Variants in VIPAS39 observed in about 807,000 individuals in gnomAD.
VIPAS39 encodes spermatogenesis-defective protein 39 homolog.
A neutral mutation model predicts 84.7 loss-of-function variants in VIPAS39; 63 were observed. That is an observed-to-expected ratio of 0.74 (90% CI 0.61 to 0.92). VIPAS39 has a LOEUF of 0.92. VIPAS39 is among the 40% of genes least tolerant of loss of function. The pLI is 0.00. For synonymous variants in VIPAS39, 192 were observed against 216.5 expected, an observed-to-expected ratio of 0.89 and a Z score of 0.99; for missense variants, 499 against 604.5, an observed-to-expected ratio of 0.83 and a Z score of 1.83.
At chr14:77,441,116 A>C in intron 10 of VIPAS39, 23 bp from the exon 11 acceptor site, 1 of 1,612,478 alleles carries the variant, frequency 6.2e-7, no homozygotes, top group Non-Finnish European at 8.5e-7. Flanking sequence ...AGAAGGGAGC[A>C]GGGCATTTGT....
rs1199046563 is a variant in VIPAS39, at chr14:77,451,186, C to T, written c.343+1G>A. The T allele has an allele frequency of 3.7e-6, 6 of 1,614,194 alleles. No individual in the cohort carries two copies. Among genetic ancestry groups the T allele is most frequent in the Non-Finnish European group, 5.1e-6 (6 of 1,180,034 alleles). On this transcript the variant is annotated splice_donor_variant, in intron 4 of 19. Transcript: ENST00000557658. LOFTEE classifies it high-confidence loss of function. Reference sequence around the variant, plus strand: ...CTATCCATTTAAGCATCTCTCTTTACCTCTAAAAAAGCTGCTCAGGGAGTA... The same window carrying T: ...CTATCCATTTAAGCATCTCTCTTTATCTCTAAAAAAGCTGCTCAGGGAGTA...
chr14:77,443,430 C>T lies in VIPAS39; in HGVS notation c.598-278G>A, dbSNP rs12885247. Among the ~76,000 whole-genome samples the T allele has an allele frequency of 0.15, 22,646 of 152,076 alleles. 2,127 individuals are homozygous for T. Among genetic ancestry groups the T allele is most frequent in the Middle Eastern group, 0.27 (79 of 294 alleles). On this transcript the variant is annotated intron_variant, in intron 8 of 19. Transcript: ENST00000557658. ...GTTTTATATAACACATAGTAGCCAA[C>T]CTTGTGTGTCTTGGTTACAATCAAC...
intron 3 of VIPAS39, among the ~76,000 whole-genome samples, chr14:77,451,646 C>T (rs916565416): frequency 6.6e-6 from 1 of 151,966 alleles, no homozygotes; most frequent in Admixed American, 6.6e-5. Flanking sequence ...AGTACAGTGG[C>T]TATTCACAAT....
chr14:77,436,303 AG>A (rs2078610117), intron 12 of VIPAS39, among the ~76,000 whole-genome samples: 1 of 152,196 alleles, frequency 6.6e-6, no homozygotes, highest in African/African-American at 2.4e-5. Flanking sequence ...TAACTTACTG[AG>A]GGGACACCTA....
At chr14:77,433,225 G>C (rs998533103) in intron 16 of VIPAS39, among the ~76,000 whole-genome samples, 2 of 151,510 alleles carry the variant, frequency 1.3e-5, no homozygotes, top group African/African-American at 4.8e-5. Context: ...TTTGAGACAG[G>C]GTTTTGCTCT....
At chr14:77,431,880 C>T (rs1421358115) in intron 16 of VIPAS39, among the ~76,000 whole-genome samples, 3 of 151,956 alleles carry the variant, frequency 2.0e-5, no homozygotes, top group African/African-American at 7.3e-5. Flanking sequence ...CTGTAACTTA[C>T]AAAAATAATA....
At chr14:77,433,499 C>G (rs1258006800) in intron 16 of VIPAS39, among the ~76,000 whole-genome samples, 1 of 152,136 alleles carries the variant, frequency 6.6e-6, no homozygotes, top group East Asian at 1.9e-4. Flanking sequence ...CCGCGCCCAG[C>G]CCAATATTGT....
intron 16 of VIPAS39, among the ~76,000 whole-genome samples, chr14:77,432,948 A>T (rs562853737): frequency 2.6e-5 from 4 of 152,178 alleles, no homozygotes; most frequent in Non-Finnish European, 5.9e-5. Flanking sequence ...ATGACTGTAT[A>T]ATCATTTCAC....
intron 4 of VIPAS39, among the ~76,000 whole-genome samples, chr14:77,450,171 C>G (rs79100753): frequency 6.6e-6 from 1 of 152,172 alleles, no homozygotes; most frequent in Non-Finnish European, 1.5e-5. Context: ...CATTCTACTT[C>G]CTGTCTCTAT....
chr14:77,435,942 G>A (rs756829967), intron 12 of VIPAS39, 23 bp from the exon 13 acceptor site: 15 of 1,613,272 alleles, frequency 9.3e-6, no homozygotes, highest in Non-Finnish European at 7.6e-6. Context: ...CAGAAGGTTA[G>A]TACCTTTCTC....
intron 9 of VIPAS39, 27 bp from the exon 10 acceptor site, chr14:77,442,689 A>C (rs751402602): frequency 6.2e-7 from 1 of 1,606,936 alleles, no homozygotes; most frequent in Non-Finnish European, 8.5e-7. Flanking sequence ...AGTTAAGTTG[A>C]GAAAGATTAA....
intron 12 of VIPAS39, 96 bp from the exon 13 acceptor site, chr14:77,436,015 G>A (rs554523493): frequency 4.3e-5 from 52 of 1,202,178 alleles, no homozygotes; most frequent in South Asian, 1.2e-4. Context: ...AGAGGCTCAC[G>A]GTGCCTCACA....
chr14:77,454,668 C>A (rs1234180250), intron 1 of VIPAS39, among the ~76,000 whole-genome samples: 1 of 95,726 alleles, frequency 1.0e-5, no homozygotes, highest in African/African-American at 3.7e-5. Context: ...GAGCGAAACT[C>A]CGTCTCCAAA....
At position 77,453,365 on chromosome 14, in the gene VIPAS39, C is replaced by A. The variant is rs1023104472; in HGVS notation, c.130G>T (p.Asp44Tyr). 6.2e-7 allele frequency: 1 copy of A among 1,614,148 alleles called. No homozygotes were observed. The highest frequency in any genetic ancestry group is 1.1e-5 in the South Asian group (1 of 91,082). The change falls in exon 3 of 20, where the codon GAC becomes TAC. Residue 44 changes from aspartate (D) to tyrosine (Y), a missense_variant. Asp to Tyr is a radical substitution (Grantham distance 160). Coordinates refer to ENST00000557658, the MANE Select transcript of VIPAS39 (RefSeq NM_001193315.2). ...ESKRAVNSLR[D>Y]FVDDDDDDDL... ...TCATCGTCATCATCATCCACGAAGT[C>A]TCGGAGGCTGTTCACCGCCCGCTTG...
At chr14:77,454,148 C>A in intron 1 of VIPAS39, 46 bp from the exon 2 acceptor site, 1 of 1,570,996 alleles carries the variant, frequency 6.4e-7, no homozygotes, top group South Asian at 1.1e-5. Flanking sequence ...GGGTCTCTCC[C>A]TAAAGAGTTC....
intron 4 of VIPAS39, among the ~76,000 whole-genome samples, 180 bp from the exon 5 acceptor site, chr14:77,449,932 AT>A (rs1367491105): frequency 1.3e-5 from 2 of 152,128 alleles, no homozygotes; most frequent in African/African-American, 2.4e-5. Context: ...CAGGGAGAAA[AT>A]TTTTTTTAAT....
chr14:77,451,157 T>A, intron 4 of VIPAS39, 30 bp downstream of exon 4: 1 of 1,614,142 alleles, frequency 6.2e-7, no homozygotes. Context: ...AGAGAAGGAC[T>A]TCCCTATCCA....
intron 1 of VIPAS39, chr14:77,457,162 G>C: frequency 1.4e-6 from 2 of 1,448,236 alleles, no homozygotes; most frequent in Non-Finnish European, 1.8e-6. Context: ...TGTGAACTGA[G>C]ACCAGGGAAC....
At position 77,428,794 on chromosome 14, in the gene VIPAS39, G is replaced by A. The variant is rs77502922; in HGVS notation, c.1356+212C>T. ...TTAGTTCTATGAATTCTCCAAGTACGACAAGTTTATAAAAACACAGAGAAA... is the reference window on the plus strand; with the variant it reads ...TTAGTTCTATGAATTCTCCAAGTACAACAAGTTTATAAAAACACAGAGAAA... On this transcript the variant is annotated intron_variant, in intron 18 of 19. Coordinates refer to ENST00000557658, the MANE Select transcript of VIPAS39 (RefSeq NM_001193315.2). 0.019 allele frequency among the ~76,000 whole-genome samples: 2,907 copies of A among 152,212 alleles called. 89 individuals are homozygous for A. The highest frequency in any genetic ancestry group is 0.066 in the African/African-American group (2,735 of 41,504).
Sources: gnomAD v4.1 joint callset for allele counts (sites outside exome capture counted in the v4.1 genomes callset) on GRCh38, gnomAD v4.1.1 for gene constraint, MANE v1.5 for transcripts, NCBI Gene and HGNC (gene_info 2026-07-23, HGNC 2026-07-21) for gene names.